HGSNAT: variants seen among roughly 807,000 people sequenced by gnomAD.
HGSNAT encodes the protein transmembrane protein 76.
A neutral mutation model predicts 85.2 loss-of-function variants in HGSNAT; 59 were observed. The observed-to-expected ratio is 0.69, with a 90% CI of 0.56 to 0.86. The LOEUF (loss-of-function observed/expected upper bound fraction) is 0.86, where lower values mean the gene tolerates loss of function less well. Among genes scored for constraint, HGSNAT ranks in the 40% least tolerant of loss-of-function variants. The pLI is 0.00. For synonymous variants in HGSNAT, 321 were observed against 304.5 expected (o/e 1.05, Z -0.56); for missense variants, 756 against 777.1 (o/e 0.97, Z 0.32).
intron 2 of HGSNAT, among the ~76,000 whole-genome samples, chr8:43,150,556 A>G (rs901363593): frequency 2.1e-4 from 32 of 150,968 alleles, no homozygotes; most frequent in Admixed American, 4.0e-4. Context: ...TTTGGAGGCC[A>G]GGCGCGGTGG....
intron 9 of HGSNAT, chr8:43,173,945 G>T: frequency 2.0e-6 from 1 of 490,470 alleles, no homozygotes; most frequent in South Asian, 2.6e-5. Context: ...GCCGGGCGCG[G>T]TGGCTCACGC....
At chr8:43,154,656 T>G (rs548287597) in intron 2 of HGSNAT, among the ~76,000 whole-genome samples, 3 of 152,164 alleles carry the variant, frequency 2.0e-5, no homozygotes, top group Non-Finnish European at 4.4e-5. Flanking sequence ...AATAAACATA[T>G]GTGTGCATGT....
At chr8:43,179,666 T>C (rs371634189) in intron 10 of HGSNAT, among the ~76,000 whole-genome samples, 155 of 3,314 alleles carry the variant, frequency 0.047, no homozygotes, top group East Asian at 0.15. Flanking sequence ...GGGGGGCTGA[T>C]CCCCCCACCT....
chr8:43,189,430 G>A (rs1286907618), intron 11 of HGSNAT, among the ~76,000 whole-genome samples: 2 of 152,176 alleles, frequency 1.3e-5, no homozygotes, highest in African/African-American at 4.8e-5. Context: ...GGGACCCTCC[G>A]AGCCAGATGC....
At chr8:43,197,778 G>C in intron 16 of HGSNAT, 36 bp downstream of exon 16, 9 of 1,597,716 alleles carry the variant, frequency 5.6e-6, no homozygotes, top group Non-Finnish European at 7.7e-6. Context: ...ATGGATGACT[G>C]TTCATGCTGA....
chr8:43,191,462 G>C lies in HGSNAT; in HGVS notation c.1129-12G>C. The stretch of plus-strand genomic sequence containing the variant: ...TAGTTCACCCGTGTTTTATTTTTCT[G>C]CCCCCACTCAGGAGAGGAGCTGCCT... On this transcript the variant is annotated splice_polypyrimidine_tract_variant and intron_variant, in intron 11 of 17. Coordinates refer to ENST00000379644, the MANE Select transcript of HGSNAT (RefSeq NM_152419.3). The C allele has an allele frequency of 6.2e-7, 1 of 1,609,760 alleles. No individual in the cohort carries two copies. The highest frequency in any genetic ancestry group is 8.5e-7 in the Non-Finnish European group (1 of 1,176,528).
intron 11 of HGSNAT, among the ~76,000 whole-genome samples, chr8:43,184,647 C>T (rs986364116): frequency 1.3e-5 from 2 of 152,156 alleles, no homozygotes; most frequent in African/African-American, 4.8e-5. Flanking sequence ...TTAGTTAGAT[C>T]CCATTTGTCA....
intron 8 of HGSNAT, 33 bp from the exon 9 acceptor site, chr8:43,173,680 T>G: frequency 1.2e-6 from 2 of 1,610,018 alleles, no homozygotes; most frequent in Non-Finnish European, 1.7e-6. Flanking sequence ...TATTCTAGAG[T>G]CCTTTTGCTT....
chr8:43,196,353 A>G, intron 14 of HGSNAT: 2 of 621,894 alleles, frequency 3.2e-6, no homozygotes, highest in Non-Finnish European at 5.2e-6. Flanking sequence ...TGAAGTCCAT[A>G]TTTCACTGTT....
chr8:43,169,120 T>G, intron 5 of HGSNAT, 53 bp from the exon 6 acceptor site: 1 of 1,077,320 alleles, frequency 9.3e-7, no homozygotes, highest in Non-Finnish European at 1.3e-6. Context: ...TCCAATCATT[T>G]AAAAAATTCT....
chr8:43,198,092 C>G, intron 17 of HGSNAT, 140 bp downstream of exon 17: 1 of 624,908 alleles, frequency 1.6e-6, no homozygotes, highest in Non-Finnish European at 2.8e-6. Flanking sequence ...AGGGAGGAAG[C>G]AGCAGGGCCC....
intron 11 of HGSNAT, among the ~76,000 whole-genome samples, chr8:43,188,204 C>T (rs201088480): frequency 5.9e-5 from 9 of 152,192 alleles, no homozygotes; most frequent in East Asian, 5.8e-4. Flanking sequence ...TGCTGGGTTG[C>T]GGAAGTTCTC....
intron 11 of HGSNAT, among the ~76,000 whole-genome samples, chr8:43,184,100 G>T (rs894584699): frequency 2.6e-5 from 4 of 152,186 alleles, no homozygotes; most frequent in African/African-American, 9.7e-5. Flanking sequence ...AAACATACGT[G>T]TGCATGTGTC....
At chr8:43,193,498 C>G (rs1357321981) in intron 13 of HGSNAT, among the ~76,000 whole-genome samples, 1 of 152,130 alleles carries the variant, frequency 6.6e-6, no homozygotes, top group Non-Finnish European at 1.5e-5. Context: ...TGTTTGCTGC[C>G]CCCGCTGCAA....
rs1408418542 is a variant in HGSNAT at position 43,161,503 on chromosome 8, T to C, written c.559T>C (p.Leu187=). 3 of 1,606,528 alleles carry C rather than the reference T, an allele frequency of 1.9e-6. No homozygotes were observed. The highest frequency in any genetic ancestry group is 2.2e-5 in the East Asian group (1 of 44,604). Residue 187 remains leucine, a synonymous_variant, in exon 5 of 18, where the codon TTG becomes CTG. Transcript: ENST00000379644. Reference sequence around the variant, plus strand: ...TGTGATATCCTTTCTGAGGCTCTTGTTGAGGTAAGATATTTGGGGAGGACG... The same window carrying C: ...TGTGATATCCTTTCTGAGGCTCTTGCTGAGGTAAGATATTTGGGGAGGACG... ...IIVISFLRLL[L]SLDDFNNWIS...
At chr8:43,164,097 T>G (rs1803353901) in intron 5 of HGSNAT, among the ~76,000 whole-genome samples, 1 of 152,208 alleles carries the variant, frequency 6.6e-6, no homozygotes, top group Non-Finnish European at 1.5e-5. Flanking sequence ...GAAATAAAAA[T>G]AGTCCATATC....
At chr8:43,172,153 G>A (rs1803645293) in intron 7 of HGSNAT, among the ~76,000 whole-genome samples, 157 bp from the exon 8 acceptor site, 1 of 152,146 alleles carries the variant, frequency 6.6e-6, no homozygotes, top group African/African-American at 2.4e-5. Flanking sequence ...GAAAATAATC[G>A]CTTCTTGGCC....
intron 2 of HGSNAT, among the ~76,000 whole-genome samples, chr8:43,149,713 A>ATTT (rs534725579): frequency 6.6e-6 from 1 of 151,338 alleles, no homozygotes; most frequent in African/African-American, 2.4e-5. Context: ...AAAAAAAAAA[A>ATTT]TTTTTTTTTA....
chr8:43,174,256 G>T (rs1803735289), intron 9 of HGSNAT: 2 of 152,052 alleles, frequency 1.3e-5, no homozygotes, highest in Non-Finnish European at 1.5e-5. Context: ...ATTTTATAGG[G>T]AATATTTTGT....
Sources: gnomAD v4.1 joint callset for allele counts (sites outside exome capture counted in the v4.1 genomes callset) on GRCh38, gnomAD v4.1.1 for gene constraint, MANE v1.5 for transcripts, NCBI Gene and HGNC (gene_info 2026-07-23, HGNC 2026-07-21) for gene names.